Variants in STK33 observed in about 807,000 individuals in gnomAD.
STK33 encodes the protein serine/threonine-protein kinase 33.
A neutral mutation model predicts 58.0 loss-of-function variants in STK33; 52 were observed. The ratio of observed to expected loss-of-function variants is 0.90; its 90% confidence interval spans 0.72 to 1.13. The LOEUF (loss-of-function observed/expected upper bound fraction) is 1.13. Ranked by LOEUF, STK33 falls within the 50% of genes most tolerant of loss-of-function variation. STK33 has a pLI of 0.00. For missense variants in STK33, 630 were observed against 604.2 expected (o/e 1.04, Z -0.45); for synonymous variants, 215 against 200.1 (o/e 1.07, Z -0.63).
At chr11:8,575,526 T>C (rs1413692273) in intron 1 of STK33, among the ~76,000 whole-genome samples, 1 of 152,208 alleles carries the variant, frequency 6.6e-6, no homozygotes, top group African/African-American at 2.4e-5. Flanking sequence ...ATTCTATTTA[T>C]ATGAAATAGC....
chr11:8,396,225 T>TC (rs1017809239), intron 15 of STK33, among the ~76,000 whole-genome samples: 1 of 152,172 alleles, frequency 6.6e-6, no homozygotes, highest in African/African-American at 2.4e-5. Context: ...TACCTCAGCC[T>TC]CCCGAGTAGT....
At chr11:8,396,246 G>A (rs544904745) in intron 15 of STK33, among the ~76,000 whole-genome samples, 1 of 152,144 alleles carries the variant, frequency 6.6e-6, no homozygotes, top group Non-Finnish European at 1.5e-5. Context: ...TGGGATTGCA[G>A]GTACACACCA....
intron 15 of STK33, among the ~76,000 whole-genome samples, chr11:8,409,661 C>A (rs1397836500): frequency 1.3e-5 from 2 of 152,148 alleles, no homozygotes; most frequent in East Asian, 3.8e-4. Flanking sequence ...AATGAAATTT[C>A]TTGGTCTGTT....
chr11:8,364,440 C>G, the STK33 span, among the ~76,000 whole-genome samples: 1 of 152,224 alleles, frequency 6.6e-6, no homozygotes, highest in Non-Finnish European at 1.5e-5. Flanking sequence ...AACTGCCTGG[C>G]AGATGCCCAG....
chr11:8,382,623 C>A, the STK33 span, among the ~76,000 whole-genome samples: 2 of 152,172 alleles, frequency 1.3e-5, no homozygotes, highest in African/African-American at 4.8e-5. Flanking sequence ...CAGACACAGA[C>A]CACACCTGCG....
At chr11:8,403,997 T>C (rs931087542) in intron 15 of STK33, among the ~76,000 whole-genome samples, 1 of 152,238 alleles carries the variant, frequency 6.6e-6, no homozygotes, top group African/African-American at 2.4e-5. Flanking sequence ...CAACAATTTC[T>C]AGAGTCACAC....
chr11:8,402,237 C>A (rs1248766247), intron 15 of STK33, among the ~76,000 whole-genome samples: 1 of 152,148 alleles, frequency 6.6e-6, no homozygotes, highest in Non-Finnish European at 1.5e-5. Context: ...CAATGATAGA[C>A]TGGATTAAGA....
chr11:8,354,625 A>G, the STK33 span, among the ~76,000 whole-genome samples: 1 of 152,144 alleles, frequency 6.6e-6, no homozygotes, highest in African/African-American at 2.4e-5. Flanking sequence ...ATCCAGGTAC[A>G]CTTCCACCCA....
chr11:8,368,108 C>T, the STK33 span, among the ~76,000 whole-genome samples: 1 of 152,120 alleles, frequency 6.6e-6, no homozygotes, highest in Non-Finnish European at 1.5e-5. Context: ...GCGGGATCCT[C>T]CCTGCCCATC....
At chr11:8,516,827 C>T (rs1019266732) in intron 1 of STK33, among the ~76,000 whole-genome samples, 14 of 152,118 alleles carry the variant, frequency 9.2e-5, no homozygotes, top group Non-Finnish European at 1.9e-4. Context: ...GTAAACAAAG[C>T]GCCCTGGAAA....
At chr11:8,432,350 A>T (rs570614461) in intron 14 of STK33, among the ~76,000 whole-genome samples, 1 of 152,342 alleles carries the variant, frequency 6.6e-6, no homozygotes, top group South Asian at 2.1e-4. Flanking sequence ...CCTGAACCAC[A>T]GTTGACAGTA....
intron 1 of STK33, among the ~76,000 whole-genome samples, chr11:8,504,152 A>ACAAT (rs1951708559): frequency 1.3e-5 from 2 of 152,236 alleles, no homozygotes; most frequent in Non-Finnish European, 2.9e-5. Context: ...TAAGTGCAAC[A>ACAAT]GACTATTTTA....
At chr11:8,435,843 C>T (rs963807009) in intron 13 of STK33, among the ~76,000 whole-genome samples, 184 bp downstream of exon 13, 1 of 152,026 alleles carries the variant, frequency 6.6e-6, no homozygotes. Flanking sequence ...ATGTATTTTC[C>T]GTTTTTGAAA....
chr11:8,424,312 A>C (rs975582979), intron 14 of STK33, among the ~76,000 whole-genome samples: 4 of 129,922 alleles, frequency 3.1e-5, no homozygotes, highest in African/African-American at 1.1e-4. Flanking sequence ...TACAAAGGAC[A>C]TGAACTCATC....
the STK33 span, among the ~76,000 whole-genome samples, chr11:8,343,855 G>A: frequency 1.3e-5 from 2 of 151,982 alleles, no homozygotes; most frequent in Non-Finnish European, 2.9e-5. Flanking sequence ...CCCCTCACCC[G>A]CTGCCAGCCT....
At chr11:8,339,305 A>G in the STK33 span, among the ~76,000 whole-genome samples, 1 of 152,160 alleles carries the variant, frequency 6.6e-6, no homozygotes, top group South Asian at 2.1e-4. Context: ...AATTATTCAA[A>G]CTGAAAAACC....
chr11:8,447,539 A>G (rs1488542792), intron 11 of STK33, among the ~76,000 whole-genome samples: 1 of 150,712 alleles, frequency 6.6e-6, no homozygotes, highest in Non-Finnish European at 1.5e-5. Context: ...CAAAAACCAT[A>G]TGATTATCTC....
At chr11:8,522,966 A>AT (rs1373238107) in intron 1 of STK33, among the ~76,000 whole-genome samples, 1 of 151,958 alleles carries the variant, frequency 6.6e-6, no homozygotes, top group East Asian at 1.9e-4. Context: ...TGGTTTTCGT[A>AT]TTTTTTTGGT....
At chr11:8,523,177 C>CA (rs1953654369) in intron 1 of STK33, among the ~76,000 whole-genome samples, 1 of 152,194 alleles carries the variant, frequency 6.6e-6, no homozygotes, top group South Asian at 2.1e-4. Flanking sequence ...GATGGCCTCC[C>CA]AAAGTGCCGA....
Sources: gnomAD v4.1 joint callset for allele counts (sites outside exome capture counted in the v4.1 genomes callset) on GRCh38, gnomAD v4.1.1 for gene constraint, MANE v1.5 for transcripts, NCBI Gene and HGNC (gene_info 2026-07-23, HGNC 2026-07-21) for gene names.